Variants in GPHN observed in about 807,000 individuals in gnomAD.
GPHN encodes gephyrin.
Under a neutral mutation model 95.5 loss-of-function variants are expected in GPHN, and 17 were observed. That is an observed-to-expected ratio of 0.18 (90% CI 0.12 to 0.27). The LOEUF is 0.27. Among genes scored for constraint, GPHN ranks in the 10% least tolerant of loss-of-function variants. GPHN has a pLI of 1.00. For missense variants in GPHN, 660 were observed against 978.1 expected (o/e 0.67, Z 4.34); for synonymous variants, 320 against 322.5 (o/e 0.99, Z 0.08).
the GPHN span, among the ~76,000 whole-genome samples, chr14:67,531,141 G>A: frequency 5.6e-3 from 849 of 152,254 alleles, 7 homozygotes; most frequent in African/African-American, 0.019. Flanking sequence ...GGGGCTCTAG[G>A]GGTGATGGTG....
At chr14:67,731,193 A>G in the GPHN span, among the ~76,000 whole-genome samples, 1 of 145,124 alleles carries the variant, frequency 6.9e-6, no homozygotes, top group Non-Finnish European at 1.5e-5. Context: ...GTTTCTCATC[A>G]TATTTCTTTC....
chr14:66,920,844 C>T (rs566562549), intron 6 of GPHN, among the ~76,000 whole-genome samples: 19 of 152,156 alleles, frequency 1.2e-4, no homozygotes, highest in South Asian at 2.1e-4. Context: ...TGAAAACATA[C>T]GATGTTTGGT....
chr14:67,629,418 AT>A, the GPHN span, among the ~76,000 whole-genome samples: 6 of 152,252 alleles, frequency 3.9e-5, no homozygotes, highest in Non-Finnish European at 5.9e-5. Context: ...GCTAAGTGAA[AT>A]AAGCCAGTGA....
the GPHN span, among the ~76,000 whole-genome samples, chr14:67,366,752 A>G: frequency 6.6e-6 from 1 of 152,110 alleles, no homozygotes; most frequent in Non-Finnish European, 1.5e-5. Context: ...CTGAACAAGT[A>G]TGAAAAATAA....
intron 5 of GPHN, among the ~76,000 whole-genome samples, chr14:66,887,624 A>AC (rs2153538380): frequency 6.6e-6 from 1 of 151,394 alleles, no homozygotes; most frequent in South Asian, 2.1e-4. Context: ...ATACTTCCCC[A>AC]CCCCCACACA....
chr14:67,725,717 G>C, the GPHN span, among the ~76,000 whole-genome samples: 1 of 152,222 alleles, frequency 6.6e-6, no homozygotes, highest in Non-Finnish European at 1.5e-5. Context: ...GCCCAGCAGA[G>C]TGCACCTGGC....
the GPHN span, chr14:67,332,819 A>G: frequency 1.9e-6 from 3 of 1,613,650 alleles, no homozygotes; most frequent in African/African-American, 1.3e-5. Context: ...GACAAGAGAG[A>G]TGGAGCAGAA....
At chr14:67,575,841 C>T in the GPHN span, 2 of 1,613,628 alleles carry the variant, frequency 1.2e-6, no homozygotes, top group East Asian at 4.5e-5. Flanking sequence ...GGGCTGCCTG[C>T]CTGTGCGGGA....
chr14:66,774,206 G>C (rs1377408265), intron 2 of GPHN, among the ~76,000 whole-genome samples: 2 of 151,658 alleles, frequency 1.3e-5, no homozygotes, highest in Non-Finnish European at 2.9e-5. Flanking sequence ...GTTTCACCAT[G>C]TTAGCCAGGA....
At chr14:67,152,733 G>A (rs963963016) in intron 18 of GPHN, among the ~76,000 whole-genome samples, 5 of 152,008 alleles carry the variant, frequency 3.3e-5, no homozygotes, top group Admixed American at 6.6e-5. Context: ...TTGGTAGGCC[G>A]AGGCGGGCAG....
At chr14:67,600,220 C>T in the GPHN span, 2 of 1,551,956 alleles carry the variant, frequency 1.3e-6, no homozygotes, top group Non-Finnish European at 8.7e-7. Flanking sequence ...CCCACTCGGC[C>T]GCCCGCACCG....
the GPHN span, among the ~76,000 whole-genome samples, chr14:67,667,804 C>T: frequency 1.1e-3 from 165 of 152,124 alleles, no homozygotes; most frequent in African/African-American, 3.8e-3. Context: ...CTTAGCCCGG[C>T]GTGGTGGTGG....
At chr14:66,802,442 A>T (rs1247293919) in intron 3 of GPHN, among the ~76,000 whole-genome samples, 1 of 152,094 alleles carries the variant, frequency 6.6e-6, no homozygotes, top group African/African-American at 2.4e-5. Flanking sequence ...AGCCTACTTG[A>T]TGCTCAACCC....
the GPHN span, among the ~76,000 whole-genome samples, chr14:67,260,895 G>T: frequency 6.6e-6 from 1 of 152,042 alleles, no homozygotes; most frequent in Non-Finnish European, 1.5e-5. Context: ...GAAAGAAAAT[G>T]GAAAAAGTAT....
chr14:66,610,637 T>G (rs535232980), intron 1 of GPHN, among the ~76,000 whole-genome samples: 10 of 152,216 alleles, frequency 6.6e-5, no homozygotes, highest in African/African-American at 2.4e-4. Context: ...AAGGAAAAAT[T>G]TATTCAGTGA....
intron 9 of GPHN, among the ~76,000 whole-genome samples, chr14:67,008,813 C>G (rs1156666545): frequency 6.6e-6 from 1 of 152,152 alleles, no homozygotes; most frequent in Non-Finnish European, 1.5e-5. Context: ...TCCCAAAGTG[C>G]TGGGATTACA....
intron 3 of GPHN, among the ~76,000 whole-genome samples, chr14:66,802,693 C>G (rs2060402716): frequency 6.6e-6 from 1 of 152,144 alleles, no homozygotes; most frequent in African/African-American, 2.4e-5. Flanking sequence ...AGGACTGGAT[C>G]CTTCCCTACA....
intron 4 of GPHN, among the ~76,000 whole-genome samples, chr14:66,864,823 G>C (rs2063167513): frequency 6.6e-6 from 1 of 152,044 alleles, no homozygotes; most frequent in South Asian, 2.1e-4. Context: ...GCACTCCCAT[G>C]TTTCTGGCAG....
the GPHN span, chr14:67,580,781 G>A: frequency 8.5e-6 from 5 of 589,444 alleles, no homozygotes; most frequent in South Asian, 1.0e-4. Context: ...GCCACCTTGG[G>A]TCCAGGAAGC....
Sources: allele counts gnomAD v4.1 joint callset (sites outside exome capture counted in the v4.1 genomes callset), GRCh38; gene constraint gnomAD v4.1.1; transcripts MANE v1.5; gene names NCBI Gene and HGNC (gene_info 2026-07-23, HGNC 2026-07-21).